LIN7C: variants seen among roughly 807,000 people sequenced by gnomAD.
LIN7C encodes the protein protein lin-7 homolog C.
LIN7C carries 17 observed loss-of-function variants against 24.7 expected under a neutral mutation model. That is an observed-to-expected ratio of 0.69 (90% CI 0.47 to 1.03). The LOEUF (loss-of-function observed/expected upper bound fraction) is 1.03. Among genes scored for constraint, LIN7C ranks in the 50% least tolerant of loss-of-function variants. LIN7C has a pLI of 0.00. For synonymous variants in LIN7C, 90 were observed against 83.4 expected, an observed-to-expected ratio of 1.08 and a Z score of -0.43; for missense variants, 204 against 239.0, an observed-to-expected ratio of 0.85 and a Z score of 0.97.
rs753326178 is a variant in LIN7C, at chr11:27,499,339, G to T, written c.438+20C>A. ...TGGTCACAACAGATCACTACAAATA[G>T]AAATAAAATTCATCCTTACCACTCC... On this transcript the variant is annotated intron_variant, in intron 4 of 4. Coordinates refer to ENST00000278193, the MANE Select transcript of LIN7C (RefSeq NM_018362.4). The T allele has an allele frequency of 6.2e-7, 1 of 1,603,644 alleles. No individual in the cohort carries two copies. Among genetic ancestry groups the T allele is most frequent in the South Asian group, 1.1e-5 (1 of 90,780 alleles).
rs1010658330 is a variant in LIN7C at position 27,498,569 on chromosome 11, T to C, written c.*80A>G. Reference sequence around the variant, plus strand: ...AATTTGTTTGTTTTCTTACAATCATTGGCATTGCAGCCATTAGTAAGTCAC... The same window carrying C: ...AATTTGTTTGTTTTCTTACAATCATCGGCATTGCAGCCATTAGTAAGTCAC... On this transcript the variant is annotated 3_prime_UTR_variant, in exon 5 of 5. Coordinates refer to ENST00000278193, the MANE Select transcript of LIN7C (RefSeq NM_018362.4). 1.5e-5 allele frequency: 19 copies of C among 1,253,164 alleles called. No individual in the cohort carries two copies. In the African/African-American group the frequency reaches 1.8e-4, roughly 12 times the overall value. 77.6% of individuals were successfully genotyped at this position (1,253,164 alleles called of 1,614,324 possible). A position where few individuals can be genotyped will look rare whatever the true frequency, so the allele number is the denominator to read the frequency against.
rs1865166379 is a variant in LIN7C, at chr11:27,496,083, TC to T, written c.*2565del. On this transcript the variant is annotated 3_prime_UTR_variant, in exon 5 of 5. Coordinates refer to ENST00000278193, the MANE Select transcript of LIN7C (RefSeq NM_018362.4). ...TCTATTTTGATACTTCCTAAGAGTG[TC>T]CAGTGTAATCAGATCATTTTATAAT... The T allele has an allele frequency of 6.6e-6, 1 of 151,282 alleles. No individual in the cohort carries two copies. The highest frequency in any genetic ancestry group is 2.4e-5 in the African/African-American group (1 of 41,138). 9.4% of individuals were successfully genotyped at this position (151,282 alleles called of 1,614,324 possible).
Position 27,501,863 on chromosome 11 carries a change from G to C in LIN7C, c.95C>G (p.Pro32Arg). The C allele has an allele frequency of 6.2e-7, 1 of 1,613,140 alleles. No homozygotes were observed. The highest frequency in any genetic ancestry group is 1.1e-5 in the South Asian group (1 of 91,018). Reference protein sequence around the residue: ...EKLQRSGEVPPQKLQALQRVL... With the variant: ...EKLQRSGEVPRQKLQALQRVL... ...TCTTTGCAAAGCCTGAAGTTTCTGT[G>C]GTGGTACTTCTCCACTCCTTTGTAG... The change falls in exon 2 of 5, where the codon CCA becomes CGA. Residue 32 changes from proline (P) to arginine (R), a missense_variant. Coordinates refer to ENST00000278193, the MANE Select transcript of LIN7C (RefSeq NM_018362.4).
At chr11:27,500,936 T>C (rs1461379276) in intron 3 of LIN7C, among the ~76,000 whole-genome samples, 1 of 152,246 alleles carries the variant, frequency 6.6e-6, no homozygotes, top group Non-Finnish European at 1.5e-5. Context: ...AGTCACCGAC[T>C]GCTGATATTA....
intron 1 of LIN7C, among the ~76,000 whole-genome samples, chr11:27,502,769 A>G (rs956766688): frequency 1.3e-5 from 2 of 152,216 alleles, no homozygotes; most frequent in Non-Finnish European, 2.9e-5. Flanking sequence ...AATACATAAA[A>G]AAGGGCTTAG....
chr11:27,496,011 A>T lies in LIN7C; in HGVS notation c.*2638T>A, dbSNP rs1331969846. On this transcript the variant is annotated 3_prime_UTR_variant, in exon 5 of 5. Transcript: ENST00000278193. ...CAAACCAAAAAAAAAACAAAAAAAA[A>T]ACCTAAGAAATGTAATTAATCATTA... 3 of 151,804 alleles carry T rather than the reference A, an allele frequency of 2.0e-5. No homozygotes were observed. The East Asian group carries it at 5.8e-4, about 29-fold the overall frequency. The allele number at this position is 151,804 out of a possible 1,614,324, so 9.4% of individuals were successfully genotyped here.
chr11:27,506,648 T>A, intron 1 of LIN7C, 68 bp downstream of exon 1: 5 of 1,559,808 alleles, frequency 3.2e-6, no homozygotes, highest in East Asian at 4.5e-5. Context: ...TCACTCCTCC[T>A]CCCCTCCAGC....
intron 2 of LIN7C, 102 bp downstream of exon 2, chr11:27,501,700 A>G (rs1865228126): frequency 1.1e-6 from 1 of 920,872 alleles, no homozygotes; most frequent in Admixed American, 2.5e-5. Context: ...ACTGGTTTTA[A>G]TGTTTTCTAA....
rs1565112518 is a variant in LIN7C at position 27,496,464 on chromosome 11, CTG to C, written c.*2183_*2184del. 1.3e-5 allele frequency: 2 copies of C among 152,308 alleles called. No individual in the cohort carries two copies. The highest frequency in any genetic ancestry group is 4.8e-5 in the African/African-American group (2 of 41,568). 9.4% of individuals were successfully genotyped at this position (152,308 alleles called of 1,614,324 possible). ...ACTGTACATCTTTGCCAATGAATGA[CTG>C]TATTTTTCTATGGTCAAGATTTAAA... On this transcript the variant is annotated 3_prime_UTR_variant, in exon 5 of 5. Coordinates refer to ENST00000278193, the MANE Select transcript of LIN7C (RefSeq NM_018362.4).
At position 27,499,401 on chromosome 11, in the gene LIN7C, C is replaced by T; in HGVS notation, c.396G>A (p.Gly132=). ...IIPGGIADRH[G]GLKRGDQLLS... ...GGAGTTGATCTCCACGTTTGAGGCC[C>T]CCATGTCTATCAGCAATTCCACCTG... The change falls in exon 4 of 5, where the codon GGG becomes GGA. Residue 132 remains glycine, a synonymous_variant. Transcript: ENST00000278193. 6 of 1,613,968 alleles carry T rather than the reference C, an allele frequency of 3.7e-6. No individual in the cohort carries two copies. Among genetic ancestry groups the T allele is most frequent in the Non-Finnish European group, 5.1e-6 (6 of 1,179,978 alleles).
At chr11:27,500,345 G>A (rs1205707742) in intron 3 of LIN7C, among the ~76,000 whole-genome samples, 2 of 152,068 alleles carry the variant, frequency 1.3e-5, no homozygotes, top group African/African-American at 4.8e-5. Context: ...TTTGGCTTCT[G>A]TACTATTTGT....
intron 3 of LIN7C, 79 bp from the exon 4 acceptor site, chr11:27,499,647 G>A (rs1865202995): frequency 1.6e-6 from 2 of 1,275,046 alleles, no homozygotes; most frequent in South Asian, 1.3e-5. Context: ...CCCCGAGATG[G>A]AGTCTCGCTC....
intron 1 of LIN7C, among the ~76,000 whole-genome samples, chr11:27,504,038 A>C (rs35624426): frequency 1.3e-5 from 2 of 151,920 alleles, no homozygotes; most frequent in Non-Finnish European, 2.9e-5. Context: ...GGCTAGTCTC[A>C]AACTCCTGAC....
chr11:27,501,199 T>C (rs886542593), intron 3 of LIN7C, among the ~76,000 whole-genome samples: 20 of 152,122 alleles, frequency 1.3e-4, no homozygotes, highest in African/African-American at 4.6e-4. Flanking sequence ...TATAGTATCA[T>C]ATATATAACA....
chr11:27,501,594 A>G, intron 2 of LIN7C, 28 bp from the exon 3 acceptor site: 2 of 871,728 alleles, frequency 2.3e-6, no homozygotes, highest in Non-Finnish European at 3.3e-6. Context: ...ATATCTCAGA[A>G]TATACCATGC....
chr11:27,498,861 C>G, intron 4 of LIN7C, 57 bp from the exon 5 acceptor site: 2 of 1,452,000 alleles, frequency 1.4e-6, no homozygotes, highest in Non-Finnish European at 1.9e-6. Context: ...GAAAGTAACT[C>G]AAAATGCAAA....
rs973313032 is a variant in LIN7C, at chr11:27,496,253, T to C, written c.*2396A>G. 5.3e-5 allele frequency: 8 copies of C among 152,086 alleles called. No individual in the cohort carries two copies. Among genetic ancestry groups the C allele is most frequent in the East Asian group, 3.9e-4 (2 of 5,184 alleles). 9.4% of individuals were successfully genotyped at this position (152,086 alleles called of 1,614,324 possible). A position where few individuals can be genotyped will look rare whatever the true frequency, so the allele number is the denominator to read the frequency against. Reference sequence around the variant, plus strand: ...CTGCCAGGCTAATATGTAGCTAAGATTGAGAATCACTAAGTCAACACATTT... The same window carrying C: ...CTGCCAGGCTAATATGTAGCTAAGACTGAGAATCACTAAGTCAACACATTT... On this transcript the variant is annotated 3_prime_UTR_variant, in exon 5 of 5. Coordinates refer to ENST00000278193, the MANE Select transcript of LIN7C (RefSeq NM_018362.4).
intron 1 of LIN7C, among the ~76,000 whole-genome samples, chr11:27,506,358 T>C (rs1473524526): frequency 1.3e-5 from 2 of 152,192 alleles, no homozygotes; most frequent in Admixed American, 6.5e-5. Flanking sequence ...GAGTGTAGTC[T>C]GTGCGAACCG....
intron 1 of LIN7C, among the ~76,000 whole-genome samples, chr11:27,506,101 T>C (rs1393536706): frequency 1.3e-5 from 2 of 152,348 alleles, no homozygotes; most frequent in South Asian, 2.1e-4. Context: ...ACACTGCACC[T>C]GCAAGTGTTT....
Sources: gnomAD v4.1 joint callset for allele counts (sites outside exome capture counted in the v4.1 genomes callset) on GRCh38, gnomAD v4.1.1 for gene constraint, MANE v1.5 for transcripts, NCBI Gene and HGNC (gene_info 2026-07-23, HGNC 2026-07-21) for gene names.